The following KIF2A variants were observed in gnomAD, a reference collection of about 807,000 sequenced individuals.
KIF2A encodes the protein kinesin-like protein KIF2A.
A neutral mutation model predicts 100.2 loss-of-function variants in KIF2A; 22 were observed. That is an observed-to-expected ratio of 0.22 (90% CI 0.16 to 0.31). The LOEUF (loss-of-function observed/expected upper bound fraction) is 0.31, where lower values mean the gene tolerates loss of function less well. Among genes scored for constraint, KIF2A ranks in the 10% least tolerant of loss-of-function variants. KIF2A has a pLI of 1.00. For missense variants in KIF2A, 495 were observed against 898.7 expected (o/e 0.55, Z 5.74); for synonymous variants, 268 against 285.9 (o/e 0.94, Z 0.63).
chr5:62,365,761 A>G (rs963019468), intron 15 of KIF2A, among the ~76,000 whole-genome samples: 1 of 152,178 alleles, frequency 6.6e-6, no homozygotes, highest in Non-Finnish European at 1.5e-5. Context: ...AAATTTAACT[A>G]AACTTGCTCC....
chr5:62,345,481 C>CA (rs777301847), intron 1 of KIF2A, among the ~76,000 whole-genome samples: 1,401 of 80,678 alleles, frequency 0.017, 7 homozygotes, highest in Non-Finnish European at 0.021. Context: ...GACTCTGTCT[C>CA]AAAAAAAAAA....
chr5:62,383,229 ATTTTTTTTTTTTTTTTTT>A (rs70977902), intron 20 of KIF2A, among the ~76,000 whole-genome samples: 4 of 39,066 alleles, frequency 1.0e-4, no homozygotes, highest in Non-Finnish European at 1.7e-4. Flanking sequence ...GCCTGGCCAG[ATTTTTTTTTTTTTTTTTT>A]TTTTTTTTTT....
chr5:62,310,941 G>T (rs902290268), intron 1 of KIF2A, among the ~76,000 whole-genome samples: 1 of 152,042 alleles, frequency 6.6e-6, no homozygotes, highest in Non-Finnish European at 1.5e-5. Context: ...GGGAAGAAAT[G>T]GGAAATGTTG....
chr5:62,341,306 A>ATT (rs200726866), intron 1 of KIF2A, among the ~76,000 whole-genome samples: 264 of 145,454 alleles, frequency 1.8e-3, no homozygotes, highest in South Asian at 4.3e-3. Context: ...TGTCTCCTTG[A>ATT]TTTTTTTTTT....
At chr5:62,352,566 A>AT (rs1580062636) in intron 4 of KIF2A, 22 bp from the exon 5 acceptor site, 77 of 1,496,324 alleles carry the variant, frequency 5.1e-5, no homozygotes, top group South Asian at 1.1e-4. Flanking sequence ...CTGAATTTAA[A>AT]ATTTTTTTTT....
At chr5:62,347,431 G>A (rs1046345059) in intron 2 of KIF2A, among the ~76,000 whole-genome samples, 2 of 152,006 alleles carry the variant, frequency 1.3e-5, no homozygotes, top group African/African-American at 4.8e-5. Context: ...TTAATTATTT[G>A]ATAAAATATA....
intron 19 of KIF2A, among the ~76,000 whole-genome samples, chr5:62,380,039 GTGCC>G (rs1324439524): frequency 7.9e-5 from 12 of 152,182 alleles, no homozygotes; most frequent in South Asian, 4.1e-4. Flanking sequence ...TTGCAGGCGT[GTGCC>G]ATCACGCCTG....
At chr5:62,338,143 G>A (rs6449597) in intron 1 of KIF2A, among the ~76,000 whole-genome samples, 37,701 of 152,074 alleles carry the variant, frequency 0.25, 4,763 homozygotes, top group Middle Eastern at 0.3. Flanking sequence ...ACTCATGCAT[G>A]TATGCTTGAA....
chr5:62,358,633 T>C (rs538208216), intron 9 of KIF2A, among the ~76,000 whole-genome samples: 21 of 152,328 alleles, frequency 1.4e-4, no homozygotes, highest in African/African-American at 4.6e-4. Context: ...ATAAGAAGAC[T>C]TTTAATTTTT....
Position 62,360,368 on chromosome 5 carries a change from G to T in KIF2A, c.873-874G>T, listed in dbSNP as rs1253325888. Among the ~76,000 whole-genome samples, 3 of 152,060 alleles carry T rather than the reference G, an allele frequency of 2.0e-5. 1 individual carries two copies. In the East Asian group the frequency reaches 5.8e-4, roughly 29 times the overall value. On this transcript the variant is annotated intron_variant, in intron 9 of 20. Coordinates refer to ENST00000407818, the MANE Select transcript of KIF2A (RefSeq NM_001098511.3). ...CCACCTTTTTATTTTAACTCTAGCA[G>T]TGGGTTATACCAATACATTTGAAAT...
intron 7 of KIF2A, among the ~76,000 whole-genome samples, chr5:62,356,647 C>G (rs1329645488): frequency 2.0e-5 from 3 of 152,178 alleles, no homozygotes; most frequent in East Asian, 1.9e-4. Flanking sequence ...GCTCAGTAAT[C>G]GTCTGAGAAT....
intron 18 of KIF2A, among the ~76,000 whole-genome samples, chr5:62,375,836 A>G (rs949567797): frequency 6.6e-6 from 1 of 152,210 alleles, no homozygotes; most frequent in African/African-American, 2.4e-5. Flanking sequence ...TGAACATCAT[A>G]CAGTGCACAG....
intron 7 of KIF2A, among the ~76,000 whole-genome samples, chr5:62,355,821 T>C (rs571363200): frequency 4.7e-5 from 7 of 149,904 alleles, no homozygotes; most frequent in South Asian, 4.3e-4. Context: ...TTTTTTGAGA[T>C]GGAGTCTTGC....
intron 1 of KIF2A, among the ~76,000 whole-genome samples, chr5:62,307,961 G>A (rs185518793): frequency 9.9e-5 from 15 of 152,244 alleles, no homozygotes; most frequent in African/African-American, 2.9e-4. Context: ...CTTTAGCCTA[G>A]CCTAGTCAGT....
chr5:62,378,420 C>T (rs1040347884), intron 19 of KIF2A, among the ~76,000 whole-genome samples: 6 of 152,260 alleles, frequency 3.9e-5, no homozygotes, highest in African/African-American at 1.4e-4. Flanking sequence ...CAGCCGCCCC[C>T]ACCCTCCTGT....
intron 18 of KIF2A, among the ~76,000 whole-genome samples, chr5:62,374,167 GCA>G (rs1741439274): frequency 1.3e-5 from 2 of 152,204 alleles, no homozygotes; most frequent in Non-Finnish European, 2.9e-5. Context: ...GACTGTCATA[GCA>G]TCACTGCACT....
At chr5:62,355,293 T>C (rs952491134) in intron 7 of KIF2A, 39 bp downstream of exon 7, 2 of 1,023,306 alleles carry the variant, frequency 2.0e-6, no homozygotes, top group Admixed American at 2.0e-5. Flanking sequence ...GAACTTTTTA[T>C]GCTTCAAATA....
intron 1 of KIF2A, among the ~76,000 whole-genome samples, chr5:62,341,516 A>G (rs547667025): frequency 4.0e-5 from 6 of 151,752 alleles, no homozygotes; most frequent in African/African-American, 1.5e-4. Context: ...TTGCCAACCT[A>G]GTCTCAAACT....
chr5:62,307,439 A>G (rs1035818390), intron 1 of KIF2A, among the ~76,000 whole-genome samples: 9 of 151,988 alleles, frequency 5.9e-5, no homozygotes, highest in African/African-American at 2.2e-4. Flanking sequence ...AAAATGGTTT[A>G]TGACACTAGC....
Sources: gnomAD v4.1 joint callset for allele counts (sites outside exome capture counted in the v4.1 genomes callset) on GRCh38, gnomAD v4.1.1 for gene constraint, MANE v1.5 for transcripts, NCBI Gene and HGNC (gene_info 2026-07-23, HGNC 2026-07-21) for gene names.